RUVBL2: variants seen among roughly 807,000 people sequenced by gnomAD.
RUVBL2 encodes the protein RuvB like AAA ATPase 2, also known as ruvB-like 2.
RUVBL2 carries 9 observed loss-of-function variants against 57.9 expected under a neutral mutation model. That is an observed-to-expected ratio of 0.16 (90% CI 0.09 to 0.27). The LOEUF (loss-of-function observed/expected upper bound fraction) is 0.27. Ranked by LOEUF, RUVBL2 falls within the 10% of genes least tolerant of loss-of-function variation. RUVBL2 has a pLI of 1.00. For synonymous variants in RUVBL2, 278 were observed against 264.6 expected (o/e 1.05, Z -0.49); for missense variants, 456 against 669.6 (o/e 0.68, Z 3.52).
At chr19:49,010,416 G>A in intron 8 of RUVBL2, 72 bp from the exon 9 acceptor site, 1 of 1,481,726 alleles carries the variant, frequency 6.7e-7, no homozygotes, top group Non-Finnish European at 9.4e-7. Flanking sequence ...CCCAGACAGA[G>A]GGCTTTAGGG....
rs1192148648 is a variant in RUVBL2, at chr19:49,009,824, A to G, written c.511A>G (p.Ile171Val). 2 of 1,614,110 alleles carry G rather than the reference A, an allele frequency of 1.2e-6. No homozygotes were observed. Among genetic ancestry groups the G allele is most frequent in the Admixed American group, 1.7e-5 (1 of 60,020 alleles). Residue 171 changes from isoleucine (I) to valine (V), a missense_variant, in exon 7 of 15, where the codon ATC (isoleucine) becomes GTC (valine). Physicochemically the swap from Ile to Val is conservative, Grantham distance 29. This residue lies in a region of RUVBL2 where 233 missense variants were observed against 306.0 expected (regional missense o/e 0.76). Transcript: ENST00000595090. ...CCTCAAGACCACAGAGATGGAGACC[A>G]TCTACGACCTGGGCACCAAGATGAT... Reference protein sequence around the residue: ...LTLKTTEMETIYDLGTKMIES... With the variant: ...LTLKTTEMETVYDLGTKMIES...
intron 4 of RUVBL2, among the ~76,000 whole-genome samples, chr19:49,005,973 C>T (rs1014523147): frequency 5.9e-5 from 9 of 152,246 alleles, no homozygotes; most frequent in Non-Finnish European, 1.0e-4. Flanking sequence ...CCGGCCTCGC[C>T]TTTCCTCTTC....
At chr19:49,010,791 G>T (rs2039407119) in intron 9 of RUVBL2, among the ~76,000 whole-genome samples, 180 bp downstream of exon 9, 1 of 152,128 alleles carries the variant, frequency 6.6e-6, no homozygotes, top group Non-Finnish European at 1.5e-5. Context: ...ACCCCTGCTG[G>T]TGCTGTGATG....
At chr19:49,012,258 G>A (rs554765743) in intron 11 of RUVBL2, among the ~76,000 whole-genome samples, 3 of 152,306 alleles carry the variant, frequency 2.0e-5, no homozygotes, top group East Asian at 3.9e-4. Context: ...ATGCTGGGCC[G>A]CTGGGCCTGG....
Position 48,996,187 on chromosome 19 carries a change from C to T in RUVBL2, c.12+2264C>T, listed in dbSNP as rs1282164651. Among the ~76,000 whole-genome samples, 3 of 151,750 alleles carry T rather than the reference C, an allele frequency of 2.0e-5. No homozygotes were observed. The South Asian group carries it at 6.2e-4, about 32-fold the overall frequency. ...CACAAACCTGTGGGAAGGAAGGAGA[C>T]CTGGGGATGGGTGGCCTCGGTTAGC... On this transcript the variant is annotated intron_variant, in intron 1 of 14. Transcript: ENST00000595090.
At chr19:49,002,355 A>G (rs1370435732) in intron 2 of RUVBL2, among the ~76,000 whole-genome samples, 1 of 151,736 alleles carries the variant, frequency 6.6e-6, no homozygotes, top group Non-Finnish European at 1.5e-5. Flanking sequence ...CAGCTCCAAT[A>G]AAATTTTATT....
chr19:49,014,328 A>C (rs10419478), intron 11 of RUVBL2, among the ~76,000 whole-genome samples, 156 bp from the exon 12 acceptor site: 1,702 of 152,304 alleles, frequency 0.011, 30 homozygotes, highest in African/African-American at 0.038. Flanking sequence ...CTGCGTCATC[A>C]GGGGTGATGT....
intron 6 of RUVBL2, among the ~76,000 whole-genome samples, chr19:49,009,160 CAAAAAAAAAAAAAAAAAAAA>C (rs61402282): frequency 3.3e-3 from 70 of 21,426 alleles, no homozygotes; most frequent in East Asian, 7.8e-3. Context: ...GACTCTATCT[CAAAAAAAAAAAAAAAAAAAA>C]AAAAAAAAAA....
intron 11 of RUVBL2, among the ~76,000 whole-genome samples, chr19:49,013,315 G>A (rs1352112517): frequency 2.0e-5 from 3 of 149,896 alleles, no homozygotes; most frequent in Non-Finnish European, 4.4e-5. Context: ...GCCCAGGCTG[G>A]TCTCAAACTC....
chr19:49,010,688 A>G, intron 9 of RUVBL2, 77 bp downstream of exon 9: 1 of 1,581,162 alleles, frequency 6.3e-7, no homozygotes, highest in Non-Finnish European at 8.6e-7. Flanking sequence ...TCTGTTCCTG[A>G]GCTCCGAGTG....
rs765410629 is a variant in RUVBL2 at position 49,011,021 on chromosome 19, A to C, written c.810A>C (p.Ser270=). ...LFSGDTGEIK[S]EVREQINAKV... ...TAGGTGACACAGGGGAGATCAAGTC[A>C]GAAGTCCGTGAGCAGATCAATGCCA... The change falls in exon 10 of 15, where the codon TCA becomes TCC. Residue 270 remains serine, a synonymous_variant. Transcript: ENST00000595090. This position sits in a 1 kb window ranked among gnomAD's most constrained non-coding sequence, Gnocchi z 4.4. The C allele has an allele frequency of 1.2e-6, 2 of 1,612,906 alleles. No homozygotes were observed.
chr19:49,003,004 A>G (rs951108343), intron 2 of RUVBL2, among the ~76,000 whole-genome samples: 1 of 152,220 alleles, frequency 6.6e-6, no homozygotes, highest in East Asian at 1.9e-4. Flanking sequence ...ATCTTAGTAC[A>G]ATTATGTGCT....
chr19:49,004,580 C>T (rs1018868908), intron 4 of RUVBL2, among the ~76,000 whole-genome samples, 162 bp downstream of exon 4: 1 of 152,120 alleles, frequency 6.6e-6, no homozygotes, highest in African/African-American at 2.4e-5. Flanking sequence ...AGAGGTAGGC[C>T]ATTTGGGGCT....
intron 13 of RUVBL2, 147 bp downstream of exon 13, chr19:49,015,297 C>A: frequency 9.1e-7 from 1 of 1,102,848 alleles, no homozygotes; most frequent in Non-Finnish European, 1.3e-6. Context: ...TCTGTATCAT[C>A]CAGCCTGGCC....
intron 11 of RUVBL2, among the ~76,000 whole-genome samples, chr19:49,013,056 T>A (rs2039465462): frequency 6.6e-6 from 1 of 152,216 alleles, no homozygotes; most frequent in African/African-American, 2.4e-5. Flanking sequence ...CTCTGCCTTC[T>A]GGGTTCAAGC....
rs746352672 is a variant in RUVBL2 at position 49,011,250 on chromosome 19, G to A, written c.941G>A (p.Arg314Gln). The A allele has an allele frequency of 4.5e-5, 73 of 1,613,768 alleles. No individual in the cohort carries two copies. The highest frequency in any genetic ancestry group is 1.6e-4 in the Middle Eastern group (1 of 6,084). The change falls in exon 11 of 15, where the codon CGG (arginine) becomes CAG (glutamine). Residue 314 changes from arginine to glutamine, a missense_variant. By Grantham distance (43) the Arg-to-Gln change is conservative (BLOSUM62 1). Transcript: ENST00000595090. This position sits in a 1 kb window ranked among gnomAD's most constrained non-coding sequence, Gnocchi z 4.4. ...ATCGAGAGCTTCTCCTTCCTCAACC[G>A]GGCCCTGGAGAGTGACATGGCGCCT... Reference protein sequence around the residue: ...LDIESFSFLNRALESDMAPVL... With the variant: ...LDIESFSFLNQALESDMAPVL...
chr19:48,995,597 C>T (rs559633699), intron 1 of RUVBL2, among the ~76,000 whole-genome samples: 1 of 151,888 alleles, frequency 6.6e-6, no homozygotes, highest in South Asian at 2.1e-4. Context: ...CGCCTGTAAT[C>T]CCACACTTTG....
Position 49,015,936 on chromosome 19 carries a change from T to C in RUVBL2, c.*94T>C. 6.2e-7 allele frequency: 1 copy of C among 1,613,612 alleles called. No individual in the cohort carries two copies. Among genetic ancestry groups the C allele is most frequent in the Non-Finnish European group, 8.5e-7 (1 of 1,179,508 alleles). On this transcript the variant is annotated 3_prime_UTR_variant, in exon 15 of 15. Transcript: ENST00000595090. The stretch of plus-strand genomic sequence containing the variant: ...TGGTTGGGAAGCTGCACCCACCCTG[T>C]GTATGTGTGGTTGCCCTGAGCCCAC...
intron 8 of RUVBL2, 101 bp downstream of exon 8, chr19:49,010,167 C>A: frequency 9.0e-7 from 1 of 1,113,142 alleles, no homozygotes. Flanking sequence ...TTCCTGTTAC[C>A]CTGACTGTTT....
Sources: allele counts gnomAD v4.1 joint callset (sites outside exome capture counted in the v4.1 genomes callset), GRCh38; gene constraint gnomAD v4.1.1; regional missense constraint gnomAD v4.1.1; non-coding constraint Gnocchi (gnomAD v3.1); transcripts MANE v1.5; gene names NCBI Gene and HGNC (gene_info 2026-07-23, HGNC 2026-07-21).